SLC6A11: variants seen among roughly 807,000 people sequenced by gnomAD.
SLC6A11 encodes solute carrier family 6 member 11.
In SLC6A11, 25 loss-of-function variants were observed where a neutral mutation model predicts 74.8. That is an observed-to-expected ratio of 0.33 (90% CI 0.24 to 0.47). The LOEUF (loss-of-function observed/expected upper bound fraction) is 0.47, where lower values mean the gene tolerates loss of function less well. Among genes scored for constraint, SLC6A11 ranks in the 20% least tolerant of loss-of-function variants. The probability of loss-of-function intolerance (pLI) is 1.00; values close to 1 mark genes in which losing one functional copy is unlikely to be tolerated. For synonymous variants in SLC6A11, 330 were observed against 330.2 expected (o/e 1.00, Z 0.01); for missense variants, 574 against 837.0 (o/e 0.69, Z 3.88).
In SLC6A11 at chr3:10,925,973, C is replaced by G. The variant is rs761615989; in HGVS notation, c.1121-31C>G. ...AATGATATGAGGGATGGGACTCCAC[C>G]CAGTGGCTTTCTCTCTCTCCCTCGC... On this transcript the variant is annotated intron_variant, in intron 8 of 13. Transcript: ENST00000254488. 7 of 1,245,618 alleles carry G rather than the reference C, an allele frequency of 5.6e-6. No individual in the cohort carries two copies. In the South Asian group the frequency reaches 8.5e-5, roughly 15 times the overall value. The allele number at this position is 1,245,618 out of a possible 1,614,324, so 77.2% of individuals were successfully genotyped here. A position where few individuals can be genotyped will look rare whatever the true frequency, so the allele number is the denominator to read the frequency against.
At chr3:10,919,017 C>T (rs576427832) in intron 8 of SLC6A11, among the ~76,000 whole-genome samples, 7 of 152,226 alleles carry the variant, frequency 4.6e-5, no homozygotes, top group Non-Finnish European at 8.8e-5. Flanking sequence ...GTCTGCTTCA[C>T]TTCTGCAAGT....
At position 10,926,073 on chromosome 3, in the gene SLC6A11, C is replaced by T; in HGVS notation, c.1190C>T (p.Thr397Ile). 2 of 1,613,708 alleles carry T rather than the reference C, an allele frequency of 1.2e-6. No individual in the cohort carries two copies. The highest frequency in any genetic ancestry group is 1.7e-6 in the Non-Finnish European group (2 of 1,179,700). The change falls in exon 9 of 14, where the codon ACC becomes ATC. Residue 397 changes from threonine to isoleucine, a missense_variant. Thr to Ile is a moderately conservative substitution (Grantham distance 89). This residue lies in a region of SLC6A11 where 257 missense variants were observed against 341.5 expected (regional missense o/e 0.75). Transcript: ENST00000254488. This position sits in a 1 kb window ranked among gnomAD's most constrained non-coding sequence, Gnocchi z 5.7. The stretch of plus-strand genomic sequence containing the variant: ...ATGCCTCTCTCCCCGCTGTGGGCCA[C>T]CTTGTTCTTCATGATGCTCATCTTC... The part of the protein sequence containing the change: ...TMMPLSPLWA[T>I]LFFMMLIFLG...
At chr3:10,867,075 C>T (rs189811627) in intron 5 of SLC6A11, among the ~76,000 whole-genome samples, 259 of 152,172 alleles carry the variant, frequency 1.7e-3, no homozygotes, top group African/African-American at 6.0e-3. Flanking sequence ...GCTTTCTGGC[C>T]GTATGGGATG....
chr3:10,873,882 C>G (rs74214349), intron 5 of SLC6A11, among the ~76,000 whole-genome samples: 1,577 of 152,140 alleles, frequency 0.01, 34 homozygotes, highest in African/African-American at 0.036. Flanking sequence ...GCTATGTTAT[C>G]CTATGCTACT....
At chr3:10,884,041 G>A (rs577716407) in intron 6 of SLC6A11, among the ~76,000 whole-genome samples, 1 of 152,330 alleles carries the variant, frequency 6.6e-6, no homozygotes, top group African/African-American at 2.4e-5. Context: ...AATGACAACA[G>A]TGGTGCCGGG....
rs560093892 is a variant in SLC6A11, at chr3:10,817,947, C to G, written c.256+1426C>G. ...AAACCTGTGCACACCTAGGGTAGTC[C>G]CCAGGCACAAATTGTTTTAACATCT... On this transcript the variant is annotated intron_variant, in intron 1 of 13. Transcript: ENST00000254488. Among the ~76,000 whole-genome samples, 7 of 152,250 alleles carry G rather than the reference C, an allele frequency of 4.6e-5. No individual in the cohort carries two copies. In the South Asian group the frequency reaches 1.5e-3, roughly 32 times the overall value.
Position 10,856,697 on chromosome 3 carries a change from C to G in SLC6A11, c.756+12351C>G, listed in dbSNP as rs1276773483. Among the ~76,000 whole-genome samples the G allele has an allele frequency of 4.6e-5, 7 of 152,282 alleles. No homozygotes were observed. In the South Asian group the frequency reaches 1.5e-3, roughly 32 times the overall value. On this transcript the variant is annotated intron_variant, in intron 5 of 13. Transcript: ENST00000254488. ...GCAAACATTCACCCACCCACCAGAC[C>G]AAGTGCTTATGATGTGCCGGGTACC...
At position 10,915,636 on chromosome 3, in the gene SLC6A11, C is replaced by T. The variant is rs750404261; in HGVS notation, c.996-2693C>T. Among the ~76,000 whole-genome samples, 5 of 152,128 alleles carry T rather than the reference C, an allele frequency of 3.3e-5. No homozygotes were observed. Among genetic ancestry groups the T allele is most frequent in the Middle Eastern group, 3.4e-3 (1 of 294 alleles). ...GCCAGGCAGGGAAAATCCTCACTTCCGAAGACACCACTAAGCCCTGTCTGC... is the reference window on the plus strand; with the variant it reads ...GCCAGGCAGGGAAAATCCTCACTTCTGAAGACACCACTAAGCCCTGTCTGC... On this transcript the variant is annotated intron_variant, in intron 7 of 13. Transcript: ENST00000254488. The surrounding 1 kb of genome is among the most constrained non-coding windows in gnomAD (Gnocchi z 4.3).
intron 5 of SLC6A11, among the ~76,000 whole-genome samples, chr3:10,860,377 T>C (rs1309261490): frequency 6.6e-6 from 1 of 152,144 alleles, no homozygotes; most frequent in Non-Finnish European, 1.5e-5. Context: ...AGGTGAACCA[T>C]TTTTAAAACA....
intron 8 of SLC6A11, among the ~76,000 whole-genome samples, chr3:10,921,695 G>T (rs1312242879): frequency 6.6e-6 from 1 of 151,964 alleles, no homozygotes; most frequent in Non-Finnish European, 1.5e-5. Flanking sequence ...GAGATTATCA[G>T]ACCAGATTTT....
At position 10,938,356 on chromosome 3, in the gene SLC6A11, G is replaced by C; in HGVS notation, c.1853G>C (p.Ser618Thr). 2.5e-6 allele frequency: 4 copies of C among 1,612,556 alleles called. No homozygotes were observed. The highest frequency in any genetic ancestry group is 3.4e-6 in the Non-Finnish European group (4 of 1,178,836). Residue 618 changes from serine to threonine, a missense_variant, in exon 14 of 14, where the codon AGT (serine) becomes ACT (threonine). By Grantham distance (58) the Ser-to-Thr change is moderately conservative. Coordinates refer to ENST00000254488, the MANE Select transcript of SLC6A11 (RefSeq NM_014229.3). ...AATGACTGTGATGCCAAACTCAAGA[G>C]TGACGGGACCATCGCAGCCATCACA... ...TVNDCDAKLKSDGTIAAITEK... is the reference protein window; with the variant it reads ...TVNDCDAKLKTDGTIAAITEK...
intron 7 of SLC6A11, among the ~76,000 whole-genome samples, chr3:10,914,601 C>T (rs1037406868): frequency 9.2e-5 from 14 of 152,084 alleles, no homozygotes; most frequent in African/African-American, 3.1e-4. Context: ...GACCGGATGA[C>T]AATGAGATGC....
At position 10,935,241 on chromosome 3, in the gene SLC6A11, C is replaced by T. The variant is rs577057138; in HGVS notation, c.1746+42C>T. 1.4e-4 allele frequency: 218 copies of T among 1,590,472 alleles called. No homozygotes were observed. In the Middle Eastern group the frequency reaches 2.4e-3, roughly 18 times the overall value. On this transcript the variant is annotated intron_variant, in intron 13 of 13. Coordinates refer to ENST00000254488, the MANE Select transcript of SLC6A11 (RefSeq NM_014229.3). ...AGGGCTGGTGCGTTTGGGCAGGGTT[C>T]GCGCCTTGGGTCCCAGTTTCCTCAT...
At chr3:10,900,504 G>A (rs976529037) in intron 6 of SLC6A11, among the ~76,000 whole-genome samples, 7 of 152,208 alleles carry the variant, frequency 4.6e-5, no homozygotes, top group Non-Finnish European at 1.5e-5. Flanking sequence ...TTCTCTATCT[G>A]CAGCCAGACA....
intron 6 of SLC6A11, among the ~76,000 whole-genome samples, chr3:10,898,519 G>C (rs535640128): frequency 6.6e-6 from 1 of 152,182 alleles, no homozygotes; most frequent in Non-Finnish European, 1.5e-5. Flanking sequence ...CAAATATCTA[G>C]GACAGTGGCA....
In SLC6A11 at chr3:10,915,313, TC is replaced by T. The variant is rs1195374087; in HGVS notation, c.996-3011del. Reference sequence around the variant, plus strand: ...CTGTCAGCCATGGGTCCCTTCTGCTTCCCCCTCCAGCAGGCAGGTTTTATTC... The same window carrying T: ...CTGTCAGCCATGGGTCCCTTCTGCTTCCCCTCCAGCAGGCAGGTTTTATTC... On this transcript the variant is annotated intron_variant, in intron 7 of 13. Coordinates refer to ENST00000254488, the MANE Select transcript of SLC6A11 (RefSeq NM_014229.3). The surrounding 1 kb of genome is among the most constrained non-coding windows in gnomAD (Gnocchi z 4.3). Among the ~76,000 whole-genome samples, 1 of 151,368 alleles carries T rather than the reference TC, an allele frequency of 6.6e-6. No individual in the cohort carries two copies. Among genetic ancestry groups the T allele is most frequent in the Non-Finnish European group, 1.5e-5 (1 of 67,864 alleles).
At chr3:10,832,101 T>G (rs1694305752) in intron 4 of SLC6A11, among the ~76,000 whole-genome samples, 1 of 152,236 alleles carries the variant, frequency 6.6e-6, no homozygotes, top group Admixed American at 6.5e-5. Context: ...GCCTGTAATG[T>G]AGGCAGAAGA....
Position 10,925,986 on chromosome 3 carries a change from C to T in SLC6A11, c.1121-18C>T, listed in dbSNP as rs758373668. ...ATGGGACTCCACCCAGTGGCTTTCT[C>T]TCTCTCCCTCGCTCCAGGCCCCGGC... On this transcript the variant is annotated intron_variant, in intron 8 of 13. Transcript: ENST00000254488. 20 of 1,466,578 alleles carry T rather than the reference C, an allele frequency of 1.4e-5. No homozygotes were observed. The highest frequency in any genetic ancestry group is 2.3e-5 in the East Asian group (1 of 44,148). 90.8% of individuals were successfully genotyped at this position (1,466,578 alleles called of 1,614,324 possible).
intron 5 of SLC6A11, among the ~76,000 whole-genome samples, chr3:10,873,745 A>G (rs1415481040): frequency 7.1e-6 from 1 of 141,514 alleles, no homozygotes; most frequent in Admixed American, 6.9e-5. Context: ...GTCCCGTCCC[A>G]TGCTATCCTG....
Sources: gnomAD v4.1 joint callset for allele counts (sites outside exome capture counted in the v4.1 genomes callset) on GRCh38, gnomAD v4.1.1 for gene constraint, gnomAD v4.1.1 regional missense constraint, Gnocchi (gnomAD v3.1) non-coding constraint, MANE v1.5 for transcripts, NCBI Gene and HGNC (gene_info 2026-07-23, HGNC 2026-07-21) for gene names.